The following RFXANK variants were observed in gnomAD, a reference collection of about 807,000 sequenced individuals.
RFXANK encodes DNA-binding protein RFXANK.
RFXANK carries 19 observed loss-of-function variants against 34.5 expected under a neutral mutation model. That is an observed-to-expected ratio of 0.55 (90% CI 0.38 to 0.81). The LOEUF is 0.81. Ranked by LOEUF, RFXANK falls within the 30% of genes least tolerant of loss-of-function variation. The probability of loss-of-function intolerance (pLI) is 0.00; values close to 1 mark genes in which losing one functional copy is unlikely to be tolerated. For missense variants in RFXANK, 295 were observed against 343.5 expected, an observed-to-expected ratio of 0.86 and a Z score of 1.12; for synonymous variants, 154 against 149.8, an observed-to-expected ratio of 1.03 and a Z score of -0.20.
chr19:19,197,348 C>T (rs1006156374), intron 5 of RFXANK, 97 bp downstream of exon 5: 22 of 1,326,720 alleles, frequency 1.7e-5, no homozygotes, highest in African/African-American at 7.2e-5. Flanking sequence ...TGAGTGTCCA[C>T]GTGTATGATT....
intron 8 of RFXANK, 139 bp downstream of exon 8, chr19:19,198,862 T>C: frequency 1.1e-6 from 1 of 919,672 alleles, no homozygotes; most frequent in South Asian, 1.4e-5. Flanking sequence ...TCTCGGAGGA[T>C]GGATCAGAGG....
intron 5 of RFXANK, 86 bp from the exon 6 acceptor site, chr19:19,197,435 A>T: frequency 7.1e-7 from 1 of 1,402,398 alleles, no homozygotes; most frequent in Non-Finnish European, 1.0e-6. Flanking sequence ...GTCTAACCCC[A>T]GCCCCCCACC....
At chr19:19,199,284 G>A (rs1272100854) in intron 9 of RFXANK, 50 bp downstream of exon 9, 5 of 1,579,368 alleles carry the variant, frequency 3.2e-6, no homozygotes, top group Middle Eastern at 1.7e-4. Flanking sequence ...CATAGGCAGG[G>A]TGACCATAAA....
At chr19:19,193,679 G>T (rs2060540002) in intron 2 of RFXANK, among the ~76,000 whole-genome samples, 2 of 152,070 alleles carry the variant, frequency 1.3e-5, no homozygotes, top group African/African-American at 4.8e-5. Flanking sequence ...CTCCCAAAGT[G>T]CTGGGATTAC....
At chr19:19,200,163 T>G (rs2060679845) in intron 9 of RFXANK, among the ~76,000 whole-genome samples, 1 of 150,790 alleles carries the variant, frequency 6.6e-6, no homozygotes, top group Admixed American at 6.6e-5. Flanking sequence ...CCTGGCTAAT[T>G]TTTTGTTGTT....
In RFXANK at chr19:19,196,926, A is replaced by G. The variant is rs1599780537; in HGVS notation, c.188-37A>G. 3.8e-6 allele frequency: 6 copies of G among 1,558,792 alleles called. No homozygotes were observed. In the East Asian group the frequency reaches 1.1e-4, roughly 29 times the overall value. On this transcript the variant is annotated intron_variant, in intron 3 of 9. Transcript: ENST00000303088. ...CTGTCCTGAAGCCTCAGAGACATCT[A>G]CTGAGGGGAAACTGACGCCTGTTGT...
At chr19:19,197,482 G>A (rs2060621079) in intron 5 of RFXANK, 39 bp from the exon 6 acceptor site, 3 of 1,597,202 alleles carry the variant, frequency 1.9e-6, no homozygotes, top group Non-Finnish European at 2.6e-6. Flanking sequence ...TAGGGGGCAG[G>A]GGTGCAGCCT....
At chr19:19,201,136 G>A (rs1164267602) in intron 9 of RFXANK, among the ~76,000 whole-genome samples, 2 of 152,060 alleles carry the variant, frequency 1.3e-5, no homozygotes, top group African/African-American at 4.8e-5. Flanking sequence ...TAGAGATGGG[G>A]TTTCATCATG....
intron 9 of RFXANK, among the ~76,000 whole-genome samples, chr19:19,200,175 C>CT (rs978912398): frequency 0.055 from 6,638 of 120,382 alleles, 315 homozygotes; most frequent in African/African-American, 0.083. Context: ...TTTGTTGTTG[C>CT]TTTTTTTTTT....
At chr19:19,196,898 C>G in intron 3 of RFXANK, 65 bp from the exon 4 acceptor site, 2 of 1,419,902 alleles carry the variant, frequency 1.4e-6, no homozygotes, top group South Asian at 2.3e-5. Flanking sequence ...AACAGATGGG[C>G]TTCTGTCCTG....
rs1295863505 is a variant in RFXANK at position 19,192,375 on chromosome 19, AGGGGG to A, written c.-328_-324del. 2 of 582,080 alleles carry A rather than the reference AGGGGG, an allele frequency of 3.4e-6. No individual in the cohort carries two copies. The highest frequency in any genetic ancestry group is 3.8e-5 in the African/African-American group (2 of 53,110). 36.1% of individuals were successfully genotyped at this position (582,080 alleles called of 1,614,324 possible). A position where few individuals can be genotyped will look rare whatever the true frequency, so the allele number is the denominator to read the frequency against. The stretch of plus-strand genomic sequence containing the variant: ...TGGTGGAGCGACACCCAGGCAGGAG[AGGGGG>A]AAGAACTCTCTCCCTTTCTGAACCC... On this transcript the variant is annotated 5_prime_UTR_variant, in exon 1 of 10. Coordinates refer to ENST00000303088, the MANE Select transcript of RFXANK (RefSeq NM_003721.4).
rs1401784482 is a variant in RFXANK, at chr19:19,197,511, C to G, written c.338-10C>G. On this transcript the variant is annotated splice_polypyrimidine_tract_variant and intron_variant, in intron 5 of 9. Coordinates refer to ENST00000303088, the MANE Select transcript of RFXANK (RefSeq NM_003721.4). The stretch of plus-strand genomic sequence containing the variant: ...GCAGCCTGGTGGTATTGCCCGCCTC[C>G]TCCTGCCAGGTGACAACCTCGTCAA... The G allele has an allele frequency of 4.3e-6, 7 of 1,613,262 alleles. No individual in the cohort carries two copies. The South Asian group carries it at 6.6e-5, about 15-fold the overall frequency.
intron 7 of RFXANK, 86 bp downstream of exon 7, chr19:19,198,318 G>A: frequency 6.3e-7 from 1 of 1,577,564 alleles, no homozygotes; most frequent in Non-Finnish European, 8.6e-7. Flanking sequence ...GAAAGGTGCA[G>A]GCCTGCTCTA....
chr19:19,199,123 A>C (rs1195049012), intron 8 of RFXANK, 31 bp from the exon 9 acceptor site: 9 of 1,606,960 alleles, frequency 5.6e-6, no homozygotes, highest in Non-Finnish European at 7.7e-6. Context: ...CCCAGGCCCC[A>C]CCCTCCAGCG....
chr19:19,201,360 G>A, intron 9 of RFXANK: 1 of 1,028,870 alleles, frequency 9.7e-7, no homozygotes, highest in Non-Finnish European at 1.4e-6. Flanking sequence ...TTATAGGTGT[G>A]AGCCACCATG....
intron 9 of RFXANK, 172 bp from the exon 10 acceptor site, chr19:19,201,477 G>A: frequency 6.3e-7 from 1 of 1,581,010 alleles, no homozygotes; most frequent in Non-Finnish European, 8.5e-7. Flanking sequence ...TACAAACTTA[G>A]GGGAAGTTGA....
chr19:19,199,083 C>A, intron 8 of RFXANK, 71 bp from the exon 9 acceptor site: 3 of 1,428,664 alleles, frequency 2.1e-6, no homozygotes, highest in East Asian at 4.5e-5. Flanking sequence ...GCCATGGGAT[C>A]TCCCAGGTCC....
chr19:19,199,363 C>A, intron 9 of RFXANK, 129 bp downstream of exon 9: 1 of 914,396 alleles, frequency 1.1e-6, no homozygotes, highest in Non-Finnish European at 1.8e-6. Flanking sequence ...GTGTTGAGCA[C>A]TGCTGTGTAT....
At position 19,194,059 on chromosome 19, in the gene RFXANK, T is replaced by G; in HGVS notation, c.113T>G (p.Val38Gly). The G allele has an allele frequency of 6.2e-7, 1 of 1,614,158 alleles. No individual in the cohort carries two copies. Among genetic ancestry groups the G allele is most frequent in the East Asian group, 2.2e-5 (1 of 44,882 alleles). The change falls in exon 3 of 10, where the codon GTG becomes GGG. Residue 38 changes from valine (V) to glycine (G), a missense_variant. Val to Gly is a moderately radical substitution (Grantham distance 109). Coordinates refer to ENST00000303088, the MANE Select transcript of RFXANK (RefSeq NM_003721.4). Reference sequence around the variant, plus strand: ...GAGGCTGCAGATGGCTCAGACACTGTGGTCCTCAGTCTCTTTCCCTGCACC... The same window carrying G: ...GAGGCTGCAGATGGCTCAGACACTGGGGTCCTCAGTCTCTTTCCCTGCACC... ...GEEAADGSDT[V>G]VLSLFPCTPE...
Sources: gnomAD v4.1 joint callset for allele counts (sites outside exome capture counted in the v4.1 genomes callset) on GRCh38, gnomAD v4.1.1 for gene constraint, MANE v1.5 for transcripts, NCBI Gene and HGNC (gene_info 2026-07-23, HGNC 2026-07-21) for gene names.